CCDC141: variants seen among roughly 807,000 people sequenced by gnomAD.
CCDC141 encodes the protein coiled-coil domain-containing protein 141.
Under a neutral mutation model 181.0 loss-of-function variants are expected in CCDC141, and 168 were observed. The observed-to-expected ratio is 0.93, with a 90% CI of 0.82 to 1.05. CCDC141 has a LOEUF of 1.05. Among genes scored for constraint, CCDC141 ranks in the 50% least tolerant of loss-of-function variants. The pLI is 0.00. For missense variants in CCDC141, 1,902 were observed against 1,788.5 expected, an observed-to-expected ratio of 1.06 and a Z score of -1.14; for synonymous variants, 666 against 642.3, an observed-to-expected ratio of 1.04 and a Z score of -0.56.
At chr2:178,990,613 G>C (rs1445402720) in intron 2 of CCDC141, among the ~76,000 whole-genome samples, 1 of 148,644 alleles carries the variant, frequency 6.7e-6, no homozygotes, top group African/African-American at 2.5e-5. Flanking sequence ...GGGGAGGGAA[G>C]GGAAGGGAAG....
intron 8 of CCDC141, among the ~76,000 whole-genome samples, chr2:178,893,819 ACACG>A (rs774759201): frequency 0.051 from 7,046 of 136,910 alleles, 248 homozygotes; most frequent in Admixed American, 0.12. Context: ...ACACACACAC[ACACG>A]CACACACACA....
chr2:178,975,232 A>G, intron 3 of CCDC141, 67 bp from the exon 4 acceptor site: 1 of 793,444 alleles, frequency 1.3e-6, no homozygotes, highest in Non-Finnish European at 2.0e-6. Context: ...ATTGTTAGTT[A>G]CCTGGAGATG....
chr2:179,023,199 T>C (rs1222552766), intron 2 of CCDC141, among the ~76,000 whole-genome samples: 1 of 152,224 alleles, frequency 6.6e-6, no homozygotes, highest in Admixed American at 6.5e-5. Flanking sequence ...GAGGTAATCA[T>C]TCAGCACTTA....
At chr2:178,911,051 T>TCTAA (rs1203092088) in intron 7 of CCDC141, among the ~76,000 whole-genome samples, 2 of 152,224 alleles carry the variant, frequency 1.3e-5, no homozygotes, top group African/African-American at 4.8e-5. Context: ...TTTTCTTTTC[T>TCTAA]CTAAGTTGAC....
intron 5 of CCDC141, among the ~76,000 whole-genome samples, chr2:178,945,294 T>C (rs899247923): frequency 6.6e-6 from 1 of 152,166 alleles, no homozygotes; most frequent in Non-Finnish European, 1.5e-5. Context: ...TTATCTCAAT[T>C]AAAGGAGACT....
At chr2:179,027,509 G>A (rs1422822328) in intron 2 of CCDC141, among the ~76,000 whole-genome samples, 1 of 151,776 alleles carries the variant, frequency 6.6e-6, no homozygotes, top group Admixed American at 6.6e-5. Flanking sequence ...GCTGGGCATG[G>A]TGGCGGGTGC....
intron 7 of CCDC141, among the ~76,000 whole-genome samples, chr2:178,910,973 G>T (rs534377046): frequency 1.3e-5 from 2 of 152,300 alleles, no homozygotes; most frequent in South Asian, 4.1e-4. Context: ...ACCATCTCTT[G>T]TTCTGAGGAA....
intron 21 of CCDC141, among the ~76,000 whole-genome samples, chr2:178,848,074 C>A (rs1020361395): frequency 6.6e-6 from 1 of 152,132 alleles, no homozygotes; most frequent in African/African-American, 2.4e-5. Context: ...GGTAGGAAGG[C>A]ACACAAGTGG....
intron 2 of CCDC141, among the ~76,000 whole-genome samples, chr2:178,999,167 C>T (rs147059498): frequency 6.6e-6 from 1 of 152,134 alleles, no homozygotes; most frequent in Non-Finnish European, 1.5e-5. Flanking sequence ...TCCACAACTA[C>T]CTCAAATTCA....
intron 2 of CCDC141, among the ~76,000 whole-genome samples, chr2:179,027,200 C>A (rs1393659061): frequency 6.6e-6 from 1 of 152,040 alleles, no homozygotes; most frequent in Non-Finnish European, 1.5e-5. Context: ...TGCTGTGTCC[C>A]CACCCAAATC....
chr2:178,961,521 T>C, intron 4 of CCDC141, 38 bp from the exon 5 acceptor site: 2 of 1,467,894 alleles, frequency 1.4e-6, no homozygotes, highest in South Asian at 1.3e-5. Context: ...ATAATGATAT[T>C]AGCAAGCTTT....
chr2:178,839,248 C>T (rs560169507), intron 22 of CCDC141, among the ~76,000 whole-genome samples: 1 of 152,104 alleles, frequency 6.6e-6, no homozygotes, highest in East Asian at 1.9e-4. Flanking sequence ...CCCACCTCTA[C>T]TAAAAATGCA....
Position 178,927,112 on chromosome 2 carries a change from T to G in CCDC141, c.898-8205A>C, listed in dbSNP as rs141675785. 6.1e-3 allele frequency among the ~76,000 whole-genome samples: 936 copies of G among 152,300 alleles called. 11 individuals carry two copies. Among genetic ancestry groups the G allele is most frequent in the African/African-American group, 0.021 (871 of 41,554 alleles). ...ATGGTATGGAAGAAATCACTTGTCT[T>G]CTAACAAAATTCACTGAAAGCTAGA... On this transcript the variant is annotated intron_variant, in intron 6 of 23. Transcript: ENST00000443758.
At chr2:179,032,198 T>G (rs1043903367) in intron 2 of CCDC141, among the ~76,000 whole-genome samples, 3 of 152,106 alleles carry the variant, frequency 2.0e-5, no homozygotes, top group African/African-American at 7.2e-5. Context: ...TCATGGCACC[T>G]GTAGGACCAA....
At position 179,041,903 on chromosome 2, in the gene CCDC141, G is replaced by T. The variant is rs147328137; in HGVS notation, c.225+5381C>A. Among the ~76,000 whole-genome samples, 18 of 152,266 alleles carry T rather than the reference G, an allele frequency of 1.2e-4. No homozygotes were observed. The East Asian group carries it at 2.5e-3, about 21-fold the overall frequency. On this transcript the variant is annotated intron_variant, in intron 2 of 23. Coordinates refer to ENST00000443758, the MANE Select transcript of CCDC141 (RefSeq NM_173648.4). The stretch of plus-strand genomic sequence containing the variant: ...TATGTACCCAATACAGGAGTACCCA[G>T]ATTCATAAAGCAAGTTCTTAGAGAC...
At chr2:178,855,296 G>T in intron 19 of CCDC141, 51 bp downstream of exon 19, 1 of 1,501,528 alleles carries the variant, frequency 6.7e-7, no homozygotes, top group South Asian at 1.3e-5. Flanking sequence ...GTTGCAAAAT[G>T]ATTTTTGAAA....
the CCDC141 span, among the ~76,000 whole-genome samples, chr2:178,815,407 T>C: frequency 2.6e-5 from 4 of 152,182 alleles, no homozygotes; most frequent in African/African-American, 9.7e-5. Context: ...TAAGTGTTAA[T>C]GTGTACTCTT....
intron 17 of CCDC141, among the ~76,000 whole-genome samples, chr2:178,859,787 C>T (rs1347704993): frequency 6.6e-6 from 1 of 152,138 alleles, no homozygotes; most frequent in Non-Finnish European, 1.5e-5. Context: ...GCCAAATTTT[C>T]CAGCATGCCG....
intron 2 of CCDC141, among the ~76,000 whole-genome samples, chr2:179,030,503 ATAT>A (rs1382440283): frequency 6.6e-6 from 1 of 152,098 alleles, no homozygotes; most frequent in African/African-American, 2.4e-5. Context: ...ATTACATATA[ATAT>A]TATTAGTGAA....
Sources: allele counts gnomAD v4.1 joint callset (sites outside exome capture counted in the v4.1 genomes callset), GRCh38; gene constraint gnomAD v4.1.1; transcripts MANE v1.5; gene names NCBI Gene and HGNC (gene_info 2026-07-23, HGNC 2026-07-21).